The following TNR variants were observed in gnomAD, a reference collection of about 807,000 sequenced individuals.
The protein encoded by TNR is tenascin-R.
Under a neutral mutation model 150.4 loss-of-function variants are expected in TNR, and 45 were observed. The observed-to-expected ratio is 0.30, with a 90% CI of 0.24 to 0.38. TNR has a LOEUF of 0.38. TNR is among the 10% of genes least tolerant of loss of function. The pLI, the probability that TNR is intolerant of heterozygous loss-of-function variation, is 1.00. For missense variants in TNR, 1,544 were observed against 1,759.1 expected (o/e 0.88, Z 2.19); for synonymous variants, 687 against 678.4 (o/e 1.01, Z -0.20).
intron 2 of TNR, among the ~76,000 whole-genome samples, chr1:175,425,454 G>C (rs183733937): frequency 7.1e-4 from 108 of 152,276 alleles, no homozygotes; most frequent in African/African-American, 2.5e-3. Flanking sequence ...TAGTCTGACT[G>C]ATAGTGTTTT....
intron 2 of TNR, among the ~76,000 whole-genome samples, chr1:175,510,725 A>G (rs1206464817): frequency 6.6e-6 from 1 of 152,234 alleles, no homozygotes; most frequent in Non-Finnish European, 1.5e-5. Flanking sequence ...ATTTCAAAGC[A>G]AGTTTATTCT....
chr1:175,454,007 A>G (rs946033289), intron 2 of TNR, among the ~76,000 whole-genome samples: 9 of 152,168 alleles, frequency 5.9e-5, no homozygotes, highest in African/African-American at 1.9e-4. Flanking sequence ...TGCTGTCCTC[A>G]CAGGCAAAGG....
rs570241078 is a variant in TNR at position 175,437,976 on chromosome 1, T to C, written c.-63-31199A>G. Among the ~76,000 whole-genome samples the C allele has an allele frequency of 6.6e-5, 10 of 152,310 alleles. 1 individual carries two copies. The highest frequency in any genetic ancestry group is 2.4e-4 in the African/African-American group (10 of 41,576). On this transcript the variant is annotated intron_variant, in intron 2 of 22. Coordinates refer to ENST00000367674, the MANE Select transcript of TNR (RefSeq NM_003285.3). The stretch of plus-strand genomic sequence containing the variant: ...AAGGAGGAGCTGGTACCATTCCTTC[T>C]GAAACTATTCCAGTCAATAGAAAAA...
At chr1:175,637,476 T>TACCC (rs933524892) in intron 1 of TNR, among the ~76,000 whole-genome samples, 1 of 152,208 alleles carries the variant, frequency 6.6e-6, no homozygotes, top group Non-Finnish European at 1.5e-5. Context: ...TTTGGACTCA[T>TACCC]ACCCACCCTA....
intron 1 of TNR, among the ~76,000 whole-genome samples, chr1:175,579,192 C>CCTTCCTTCCTTCCTTCCTTCCTTT (rs1662251054): frequency 1.4e-5 from 2 of 147,120 alleles, no homozygotes; most frequent in Non-Finnish European, 3.0e-5. Context: ...TTCCTTCCTT[C>CCTTCCTTCCTTCCTTCCTTCCTTT]CTTCCTTCCT....
intron 1 of TNR, among the ~76,000 whole-genome samples, chr1:175,682,306 A>G (rs1309185915): frequency 6.6e-6 from 1 of 152,170 alleles, no homozygotes; most frequent in Non-Finnish European, 1.5e-5. Flanking sequence ...GCTTACATGC[A>G]TAAGCTCCTA....
chr1:175,359,649 C>T lies in TNR; in HGVS notation c.2937G>A (p.Glu979=). ...TAAGAACAATGACGTAGTTCTCCAC[C>T]TCACCCACTGGTGCCTTCCACTGCA... ...ALLQWKAPVG[E]VENYVIVLTH... Residue 979 remains glutamate (E), a synonymous_variant, in exon 15 of 23, where the codon GAG becomes GAA. Transcript: ENST00000367674. 1 of 1,613,906 alleles carries T rather than the reference C, an allele frequency of 6.2e-7. No homozygotes were observed. The highest frequency in any genetic ancestry group is 8.5e-7 in the Non-Finnish European group (1 of 1,179,890).
chr1:175,367,328 C>A (rs373498911), intron 9 of TNR, 31 bp from the exon 10 acceptor site: 78 of 1,588,958 alleles, frequency 4.9e-5, no homozygotes, highest in Non-Finnish European at 5.2e-5. Context: ...AAACATTATT[C>A]TGTGTATGGG....
At chr1:175,348,295 G>C (rs1650894323) in intron 18 of TNR, among the ~76,000 whole-genome samples, 4 of 152,084 alleles carry the variant, frequency 2.6e-5, no homozygotes, top group African/African-American at 7.2e-5. Context: ...GCCTTCAGAA[G>C]GGATGACTGT....
intron 2 of TNR, among the ~76,000 whole-genome samples, chr1:175,457,282 GC>G (rs559242288): frequency 6.6e-6 from 1 of 152,330 alleles, no homozygotes; most frequent in South Asian, 2.1e-4. Context: ...GGCAGATGCT[GC>G]CCCAACCACT....
chr1:175,535,652 A>G (rs1025519718), intron 1 of TNR, among the ~76,000 whole-genome samples: 11 of 148,046 alleles, frequency 7.4e-5, no homozygotes, highest in Non-Finnish European at 1.5e-5. Flanking sequence ...TGGTATTTTT[A>G]GTAGAGACGG....
chr1:175,643,332 T>G (rs1400791104), intron 1 of TNR, among the ~76,000 whole-genome samples: 2 of 152,184 alleles, frequency 1.3e-5, no homozygotes, highest in Non-Finnish European at 2.9e-5. Flanking sequence ...GGGAAGTGTT[T>G]GGAAAGGAAT....
intron 1 of TNR, among the ~76,000 whole-genome samples, chr1:175,685,326 T>C (rs1055864855): frequency 1.3e-5 from 2 of 152,232 alleles, no homozygotes; most frequent in Non-Finnish European, 2.9e-5. Flanking sequence ...CTGTGACCTT[T>C]CTCCACCATG....
In TNR at chr1:175,323,478, T is replaced by G; in HGVS notation, c.3958-2A>C. ...TTTCCAATGGTACCAGTTGATGCCC[T>G]GGGCGTGAGAAAGATAAGCATGTCA... is the stretch of plus-strand genomic sequence containing the variant. On this transcript the variant is annotated splice_acceptor_variant, in intron 22 of 22. Coordinates refer to ENST00000367674, the MANE Select transcript of TNR (RefSeq NM_003285.3). LOFTEE classifies it high-confidence loss of function. 6.2e-7 allele frequency: 1 copy of G among 1,613,626 alleles called. No homozygotes were observed. Among genetic ancestry groups the G allele is most frequent in the Non-Finnish European group, 8.5e-7 (1 of 1,179,740 alleles).
Position 175,526,713 on chromosome 1 carries a change from G to T in TNR, c.-64+1556C>A, listed in dbSNP as rs117845160. 9.6e-4 allele frequency among the ~76,000 whole-genome samples: 147 copies of T among 152,368 alleles called. 1 individual carries two copies. In the East Asian group the frequency reaches 0.022, roughly 23 times the overall value. ...AAGCTGCTTCAAATGCATGGGAAAT[G>T]AAGGTGAGATAGAAGCAGGCAAGCA... On this transcript the variant is annotated intron_variant, in intron 2 of 22. Coordinates refer to ENST00000367674, the MANE Select transcript of TNR (RefSeq NM_003285.3).
chr1:175,407,287 C>A (rs965275234), intron 2 of TNR, among the ~76,000 whole-genome samples: 5 of 152,194 alleles, frequency 3.3e-5, no homozygotes, highest in African/African-American at 4.8e-5. Flanking sequence ...AATAACCAGC[C>A]AGGCAAATAA....
In TNR at chr1:175,486,569, T is replaced by G. The variant is rs192327145; in HGVS notation, c.-64+41700A>C. ...GTTCCAAGTCTGCTATTGTGAACAGTGCTGCAATAAACATACACATGTATG... is the reference window on the plus strand; with the variant it reads ...GTTCCAAGTCTGCTATTGTGAACAGGGCTGCAATAAACATACACATGTATG... On this transcript the variant is annotated intron_variant, in intron 2 of 22. Coordinates refer to ENST00000367674, the MANE Select transcript of TNR (RefSeq NM_003285.3). Among the ~76,000 whole-genome samples, 578 of 152,330 alleles carry G rather than the reference T, an allele frequency of 3.8e-3. 10 individuals carry two copies. Among genetic ancestry groups the G allele is most frequent in the Non-Finnish European group, 2.3e-3 (159 of 68,024 alleles).
At chr1:175,708,317 C>G (rs989638460) in intron 1 of TNR, among the ~76,000 whole-genome samples, 1 of 152,128 alleles carries the variant, frequency 6.6e-6, no homozygotes, top group Non-Finnish European at 1.5e-5. Context: ...CCTGAACCCT[C>G]CTGGGGTTTG....
chr1:175,582,860 A>G (rs1306251461), intron 1 of TNR, among the ~76,000 whole-genome samples: 1 of 152,082 alleles, frequency 6.6e-6, no homozygotes, highest in Non-Finnish European at 1.5e-5. Context: ...TGCCACTATC[A>G]TGGGATTGGG....
Sources: allele counts gnomAD v4.1 joint callset (sites outside exome capture counted in the v4.1 genomes callset), GRCh38; gene constraint gnomAD v4.1.1; transcripts MANE v1.5; gene names NCBI Gene and HGNC (gene_info 2026-07-23, HGNC 2026-07-21).